Variants in KIF26B observed in about 807,000 individuals in gnomAD.
KIF26B encodes kinesin family member 26B.
In KIF26B, 63 loss-of-function variants were observed where a neutral mutation model predicts 151.2. The observed-to-expected ratio is 0.42, with a 90% confidence interval of 0.34 to 0.51. The LOEUF (loss-of-function observed/expected upper bound fraction) is 0.51. Ranked by LOEUF, KIF26B falls within the 20% of genes least tolerant of loss-of-function variation. KIF26B has a pLI of 0.07. For synonymous variants in KIF26B, 1,357 were observed against 1,262.1 expected (o/e 1.08, Z -1.59); for missense variants, 2,813 against 2,913.6 (o/e 0.97, Z 0.79).
chr1:245,248,411 G>A (rs1014555378), intron 2 of KIF26B, among the ~76,000 whole-genome samples: 4 of 152,164 alleles, frequency 2.6e-5, no homozygotes, highest in East Asian at 1.9e-4. Flanking sequence ...TTCTGCTTCC[G>A]TAACTGTCCT....
At chr1:245,292,650 C>T (rs901923424) in intron 2 of KIF26B, among the ~76,000 whole-genome samples, 3 of 152,216 alleles carry the variant, frequency 2.0e-5, no homozygotes, top group Non-Finnish European at 2.9e-5. Flanking sequence ...CTGTGTGACA[C>T]AGAGGCCTTC....
At chr1:245,379,698 C>T (rs556421960) in intron 3 of KIF26B, among the ~76,000 whole-genome samples, 5 of 151,956 alleles carry the variant, frequency 3.3e-5, no homozygotes, top group East Asian at 1.9e-4. Flanking sequence ...CGGCTGGTCG[C>T]GGTGGCTCAT....
At chr1:245,484,308 C>G (rs1660229420) in intron 4 of KIF26B, among the ~76,000 whole-genome samples, 1 of 151,876 alleles carries the variant, frequency 6.6e-6, no homozygotes, top group Non-Finnish European at 1.5e-5. Flanking sequence ...TCTGTGTTCT[C>G]TTACAAATGC....
intron 2 of KIF26B, among the ~76,000 whole-genome samples, chr1:245,257,039 C>T (rs1425668412): frequency 6.6e-6 from 1 of 152,140 alleles, no homozygotes; most frequent in African/African-American, 2.4e-5. Flanking sequence ...CCAAAGCCTG[C>T]TACCTGGAGG....
At chr1:245,662,957 ACCTCTG>A (rs1411603117) in intron 10 of KIF26B, among the ~76,000 whole-genome samples, 1 of 104,006 alleles carries the variant, frequency 9.6e-6, no homozygotes, top group Non-Finnish European at 1.9e-5. Context: ...CTCTCAGGTC[ACCTCTG>A]TCTTTTTTTT....
intron 2 of KIF26B, 44 bp from the exon 3 acceptor site, chr1:245,366,790 T>C: frequency 6.3e-7 from 1 of 1,590,292 alleles, no homozygotes; most frequent in South Asian, 1.1e-5. Flanking sequence ...CTAGCAGCCT[T>C]GGAGTTATAG....
At chr1:245,424,810 C>G (rs576389328) in intron 4 of KIF26B, among the ~76,000 whole-genome samples, 4 of 152,314 alleles carry the variant, frequency 2.6e-5, no homozygotes, top group African/African-American at 9.6e-5. Flanking sequence ...TTGAGATGCA[C>G]TGCTATAGAG....
intron 2 of KIF26B, among the ~76,000 whole-genome samples, chr1:245,287,988 A>G (rs1286521765): frequency 6.6e-6 from 1 of 152,162 alleles, no homozygotes; most frequent in East Asian, 1.9e-4. Flanking sequence ...TTAAAAAAAA[A>G]AAGAACAGAA....
At chr1:245,699,129 T>C (rs2044735231) in intron 14 of KIF26B, 92 bp downstream of exon 14, 3 of 1,338,388 alleles carry the variant, frequency 2.2e-6, no homozygotes, top group Non-Finnish European at 3.1e-6. Context: ...TGACACAGGC[T>C]GTGTCCTCGT....
intron 3 of KIF26B, among the ~76,000 whole-genome samples, chr1:245,369,991 C>CT (rs969469661): frequency 5.9e-5 from 9 of 151,898 alleles, no homozygotes; most frequent in East Asian, 5.8e-4. Context: ...GGATAATTTG[C>CT]TTTTTTTTGT....
chr1:245,688,728 G>A lies in KIF26B; in HGVS notation c.5745G>A (p.Gln1915=). The change falls in exon 12 of 15, where the codon CAG becomes CAA. Residue 1915 remains glutamine (Q), a synonymous_variant. Coordinates refer to ENST00000407071, the MANE Select transcript of KIF26B (RefSeq NM_018012.4). The part of the protein sequence containing the change: ...SEATGSASSA[Q]DSTSENSSSV... ...CCACCGGCAGCGCGTCCTCGGCGCA[G>A]GACTCCACGAGCGAGAACAGCAGCT... The A allele has an allele frequency of 6.2e-7, 1 of 1,609,240 alleles. No homozygotes were observed. The highest frequency in any genetic ancestry group is 8.5e-7 in the Non-Finnish European group (1 of 1,178,396).
intron 4 of KIF26B, among the ~76,000 whole-genome samples, chr1:245,428,846 G>A (rs1167610452): frequency 6.6e-6 from 1 of 152,092 alleles, no homozygotes; most frequent in Admixed American, 6.5e-5. Context: ...ATGTCTTGAT[G>A]TGAATGTCTG....
intron 2 of KIF26B, among the ~76,000 whole-genome samples, chr1:245,262,497 T>C (rs377149899): frequency 4.6e-5 from 7 of 152,170 alleles, no homozygotes; most frequent in African/African-American, 1.7e-4. Flanking sequence ...ATTGTTGCTC[T>C]GGCTGGAGTG....
At chr1:245,329,650 C>G (rs1006584943) in intron 2 of KIF26B, among the ~76,000 whole-genome samples, 1 of 152,236 alleles carries the variant, frequency 6.6e-6, no homozygotes, top group African/African-American at 2.4e-5. Context: ...CACTCCCACT[C>G]TCCTGCCCCT....
intron 2 of KIF26B, among the ~76,000 whole-genome samples, chr1:245,157,994 T>C (rs1668473747): frequency 1.3e-5 from 2 of 152,190 alleles, no homozygotes; most frequent in Admixed American, 1.3e-4. Context: ...GGAGCTTAGA[T>C]TCTAGTGGAG....
At chr1:245,614,299 T>G (rs2043560912) in intron 9 of KIF26B, among the ~76,000 whole-genome samples, 2 of 152,080 alleles carry the variant, frequency 1.3e-5, no homozygotes, top group African/African-American at 4.8e-5. Flanking sequence ...CTCAGCCTCC[T>G]GAGTAGCTGG....
chr1:245,686,177 C>A lies in KIF26B; in HGVS notation c.3194C>A (p.Ser1065Tyr). 1 of 1,611,996 alleles carries A rather than the reference C, an allele frequency of 6.2e-7. No homozygotes were observed. Among genetic ancestry groups the A allele is most frequent in the Non-Finnish European group, 8.5e-7 (1 of 1,179,458 alleles). The change falls in exon 12 of 15, where the codon TCC (serine) becomes TAC (tyrosine). Residue 1065 changes from serine to tyrosine, a missense_variant. By Grantham distance (144) the Ser-to-Tyr change is moderately radical. This residue lies in a region of KIF26B where 2,060 missense variants were observed against 2,088.6 expected (regional missense o/e 0.99). Transcript: ENST00000407071. The surrounding 1 kb of genome is among the most constrained non-coding windows in gnomAD (Gnocchi z 5.6). ...FVEGKPRPMG[S>Y]PRLGIASLSK... ...GAAGGCAAGCCCAGGCCCATGGGCT[C>A]CCCCCGGCTGGGCATCGCCAGCCTG...
intron 2 of KIF26B, chr1:245,234,635 C>G (rs1202402370): frequency 6.6e-6 from 1 of 152,554 alleles, no homozygotes; most frequent in Non-Finnish European, 1.5e-5. Context: ...AATTTGGCCT[C>G]CTGACTTGGG....
chr1:245,448,288 A>T (rs1196282805), intron 4 of KIF26B, among the ~76,000 whole-genome samples: 1 of 152,010 alleles, frequency 6.6e-6, no homozygotes, highest in East Asian at 1.9e-4. Context: ...GCTCACTGCA[A>T]CCTCCGCCAC....
Sources: allele counts gnomAD v4.1 joint callset (sites outside exome capture counted in the v4.1 genomes callset), GRCh38; gene constraint gnomAD v4.1.1; regional missense constraint gnomAD v4.1.1; non-coding constraint Gnocchi (gnomAD v3.1); transcripts MANE v1.5; gene names NCBI Gene and HGNC (gene_info 2026-07-23, HGNC 2026-07-21).